Variants in RHOBTB1 observed in about 807,000 individuals in gnomAD.
RHOBTB1 encodes the protein rho-related BTB domain-containing protein 1.
Under a neutral mutation model 71.6 loss-of-function variants are expected in RHOBTB1, and 40 were observed. The observed-to-expected ratio is 0.56, with a 90% CI of 0.43 to 0.73. The LOEUF is 0.73. Among genes scored for constraint, RHOBTB1 ranks in the 30% least tolerant of loss-of-function variants. The probability of loss-of-function intolerance (pLI) is 0.00; values close to 1 mark genes in which losing one functional copy is unlikely to be tolerated. For missense variants in RHOBTB1, 797 were observed against 894.0 expected (o/e 0.89, Z 1.38); for synonymous variants, 319 against 334.9 (o/e 0.95, Z 0.52).
intron 1 of RHOBTB1, among the ~76,000 whole-genome samples, chr10:60,993,778 T>A (rs547071491): frequency 1.4e-4 from 21 of 152,170 alleles, no homozygotes; most frequent in Admixed American, 1.2e-3. Flanking sequence ...GGTAGTCTTT[T>A]TTTTTTCCTC....
At chr10:60,932,715 T>A (rs1049600812) in intron 2 of RHOBTB1, among the ~76,000 whole-genome samples, 11 of 151,968 alleles carry the variant, frequency 7.2e-5, no homozygotes, top group African/African-American at 2.4e-4. Flanking sequence ...ATTTAAAAAT[T>A]TACAGAATAA....
At chr10:60,993,185 C>G (rs894667139) in intron 1 of RHOBTB1, among the ~76,000 whole-genome samples, 5 of 152,066 alleles carry the variant, frequency 3.3e-5, no homozygotes, top group African/African-American at 1.2e-4. Context: ...ATTGCACCAG[C>G]TCCATCTCTT....
chr10:60,894,984 T>G (rs1430333308), intron 4 of RHOBTB1, among the ~76,000 whole-genome samples: 1 of 152,172 alleles, frequency 6.6e-6, no homozygotes, highest in Non-Finnish European at 1.5e-5. Flanking sequence ...ATAACACTCA[T>G]GGTATTGAAC....
chr10:60,973,787 G>A (rs926218244), intron 2 of RHOBTB1, among the ~76,000 whole-genome samples: 1 of 151,960 alleles, frequency 6.6e-6, no homozygotes, highest in Non-Finnish European at 1.5e-5. Context: ...CCATTTGGGG[G>A]CTGACTTGAG....
chr10:60,906,735 A>G (rs1034120639), intron 4 of RHOBTB1, among the ~76,000 whole-genome samples: 1 of 152,216 alleles, frequency 6.6e-6, no homozygotes, highest in Non-Finnish European at 1.5e-5. Context: ...TGTCAGCAAC[A>G]TAGGCTTTAT....
intron 2 of RHOBTB1, among the ~76,000 whole-genome samples, chr10:60,930,509 C>T (rs1417741112): frequency 6.6e-6 from 1 of 152,132 alleles, no homozygotes; most frequent in African/African-American, 2.4e-5. Flanking sequence ...TCGACTGAAA[C>T]AACAGTAAAT....
chr10:60,897,411 A>T lies in RHOBTB1; in HGVS notation c.297-4416T>A, dbSNP rs2082211558. ...ACAAAAGTACTGTCTTCTTAGTTTGACTTTCCTTTTCTAGTATCATTTATT... is the reference window on the plus strand; with the variant it reads ...ACAAAAGTACTGTCTTCTTAGTTTGTCTTTCCTTTTCTAGTATCATTTATT... On this transcript the variant is annotated intron_variant, in intron 4 of 10. Transcript: ENST00000337910. Among the ~76,000 whole-genome samples, 4 of 152,180 alleles carry T rather than the reference A, an allele frequency of 2.6e-5. No homozygotes were observed. The South Asian group carries it at 8.3e-4, about 31-fold the overall frequency.
intron 2 of RHOBTB1, among the ~76,000 whole-genome samples, chr10:60,930,487 T>C (rs781725680): frequency 1.5e-4 from 23 of 152,296 alleles, no homozygotes; most frequent in Non-Finnish European, 2.9e-4. Context: ...GGAATAGTAA[T>C]GTGAAATACA....
chr10:60,973,929 A>G (rs1244167499), intron 2 of RHOBTB1, among the ~76,000 whole-genome samples: 1 of 152,064 alleles, frequency 6.6e-6, no homozygotes, highest in East Asian at 1.9e-4. Flanking sequence ...TGTTTGAAGT[A>G]GTTTAGGCCA....
chr10:60,899,530 C>A (rs969989922), intron 4 of RHOBTB1, among the ~76,000 whole-genome samples: 1 of 152,188 alleles, frequency 6.6e-6, no homozygotes, highest in Admixed American at 6.5e-5. Context: ...TAAACCAGCA[C>A]GATCATTTGA....
At chr10:60,877,778 C>T in intron 8 of RHOBTB1, 130 bp downstream of exon 8, 1 of 861,406 alleles carries the variant, frequency 1.2e-6, no homozygotes, top group Non-Finnish European at 1.8e-6. Context: ...TAATTCATAT[C>T]ATTCTACACA....
In RHOBTB1 at chr10:60,888,691, C is replaced by G. The variant is rs757850098; in HGVS notation, c.977G>C (p.Ser326Thr). ...QSRDFQGRIL[S>T]VDPEEEREEG... ...CTCCCTTTCTTCCTCTGGGTCGACA[C>G]TCAATATCCGCCCCTGGAAATCTCT... is the stretch of plus-strand genomic sequence containing the variant. The change falls in exon 6 of 11, where the codon AGT becomes ACT. Residue 326 changes from serine to threonine, a missense_variant. Ser to Thr is a moderately conservative substitution (Grantham distance 58). This residue lies in a region of RHOBTB1 where 658 missense variants were observed against 681.5 expected (regional missense o/e 0.97). Transcript: ENST00000337910. The G allele has an allele frequency of 1.2e-6, 2 of 1,614,104 alleles. No homozygotes were observed. Among genetic ancestry groups the G allele is most frequent in the Non-Finnish European group, 1.7e-6 (2 of 1,180,040 alleles).
downstream of RHOBTB1, among the ~76,000 whole-genome samples, chr10:60,866,935 G>A (rs373952871): frequency 6.6e-6 from 1 of 152,162 alleles, no homozygotes. Context: ...ATGCATGATT[G>A]TCTTCTCTCT....
chr10:60,963,327 C>T (rs2893874), intron 2 of RHOBTB1, among the ~76,000 whole-genome samples: 81,920 of 151,976 alleles, frequency 0.54, 22,364 homozygotes, highest in East Asian at 0.77. Context: ...CAATTTCAGA[C>T]GATGAAAGTG....
intron 2 of RHOBTB1, among the ~76,000 whole-genome samples, chr10:60,917,558 C>T (rs532466046): frequency 6.6e-6 from 1 of 152,286 alleles, no homozygotes; most frequent in African/African-American, 2.4e-5. Flanking sequence ...TTGTGGTGTC[C>T]TCACATGACA....
At chr10:60,997,064 T>TAC (rs3049452) in intron 1 of RHOBTB1, among the ~76,000 whole-genome samples, 24,914 of 144,776 alleles carry the variant, frequency 0.17, 2,269 homozygotes, top group Non-Finnish European at 0.23. Context: ...CATGGTTATG[T>TAC]ACACACACAC....
At chr10:61,001,426 G>T (rs2087268769) in exon 1 of RHOBTB1, 1 of 151,698 alleles carries the variant, frequency 6.6e-6, no homozygotes, top group African/African-American at 2.4e-5. Flanking sequence ...TCCCGCGGCG[G>T]CTCTGGGTCC....
chr10:60,966,292 C>T (rs1331194564), intron 2 of RHOBTB1, among the ~76,000 whole-genome samples: 1 of 150,866 alleles, frequency 6.6e-6, no homozygotes, highest in Non-Finnish European at 1.5e-5. Context: ...CAAAGCAATT[C>T]TGATTATATT....
intron 5 of RHOBTB1, among the ~76,000 whole-genome samples, chr10:60,889,532 G>C (rs1343442922): frequency 1.3e-5 from 2 of 151,750 alleles, no homozygotes; most frequent in East Asian, 3.9e-4. Context: ...TTTGTGTATT[G>C]ACCTTTTATC....
Sources: allele counts gnomAD v4.1 joint callset (sites outside exome capture counted in the v4.1 genomes callset), GRCh38; gene constraint gnomAD v4.1.1; regional missense constraint gnomAD v4.1.1; transcripts MANE v1.5; gene names NCBI Gene and HGNC (gene_info 2026-07-23, HGNC 2026-07-21).